Variants in SLC25A19 observed in about 807,000 individuals in gnomAD.
SLC25A19 encodes mitochondrial thiamine pyrophosphate carrier.
Under a neutral mutation model 27.9 loss-of-function variants are expected in SLC25A19, and 18 were observed. The observed-to-expected ratio is 0.64, with a 90% CI of 0.45 to 0.96. SLC25A19 has a LOEUF of 0.96. Among genes scored for constraint, SLC25A19 ranks in the 40% least tolerant of loss-of-function variants. SLC25A19 has a pLI of 0.00. For synonymous variants in SLC25A19, 169 were observed against 167.1 expected (o/e 1.01, Z -0.09); for missense variants, 371 against 418.3 (o/e 0.89, Z 0.99).
At chr17:75,286,884 C>T in intron 2 of SLC25A19, 82 bp from the exon 3 acceptor site, 1 of 1,278,674 alleles carries the variant, frequency 7.8e-7, no homozygotes, top group Non-Finnish European at 1.1e-6. Context: ...GAGCAGCCCT[C>T]CCTGACTAGA....
rs371635560 is a variant in SLC25A19 at position 75,283,479 on chromosome 17, T to A, written c.403A>T (p.Thr135Ser). Reference protein sequence around the residue: ...GGLAACMATLTVHPVDVLRTR... With the variant: ...GGLAACMATLSVHPVDVLRTR... ...CGCAGAACATCCACGGGGTGCACAG[T>A]GAGGGTGGCCATACAGGCAGCCAGG... The change falls in exon 5 of 8, where the codon ACT becomes TCT. Residue 135 changes from threonine (T) to serine (S), a missense_variant. Thr to Ser is a moderately conservative substitution (Grantham distance 58). Coordinates refer to ENST00000416858, the MANE Select transcript of SLC25A19 (RefSeq NM_001126121.2). The A allele has an allele frequency of 1.9e-6, 3 of 1,613,062 alleles. No individual in the cohort carries two copies. In the African/African-American group the frequency reaches 4.0e-5, roughly 22 times the overall value.
chr17:75,286,514 G>A lies in SLC25A19; in HGVS notation c.133-55C>T, dbSNP rs899759780. On this transcript the variant is annotated intron_variant, in intron 3 of 7. Transcript: ENST00000416858. ...AGTGGGGTGGGCTGGAATGTGAAGG[G>A]GAACTTTCAGAAAAGGCAAGCCCTT... 1.4e-5 allele frequency: 22 copies of A among 1,613,056 alleles called. No homozygotes were observed. The Admixed American group carries it at 3.7e-4, about 27-fold the overall frequency.
At chr17:75,281,884 AC>A (rs2078047064) in intron 5 of SLC25A19, among the ~76,000 whole-genome samples, 1 of 152,294 alleles carries the variant, frequency 6.6e-6, no homozygotes, top group Non-Finnish European at 1.5e-5. Context: ...AGCACCCCGC[AC>A]AGTGCTGCCC....
At chr17:75,276,572 TG>T (rs2077893164) in intron 7 of SLC25A19, among the ~76,000 whole-genome samples, 1 of 149,496 alleles carries the variant, frequency 6.7e-6, no homozygotes. Context: ...TTCACCATGT[TG>T]ATCAGGCTGG....
chr17:75,286,152 G>A, intron 4 of SLC25A19, 152 bp downstream of exon 4: 6 of 928,088 alleles, frequency 6.5e-6, no homozygotes, highest in Admixed American at 1.7e-5. Flanking sequence ...GGTACTGCTG[G>A]TCAGGAAGGC....
At position 75,286,785 on chromosome 17, in the gene SLC25A19, A is replaced by G. The variant is rs1449558754; in HGVS notation, c.-21T>C. 3.1e-6 allele frequency: 5 copies of G among 1,613,856 alleles called. No homozygotes were observed. The highest frequency in any genetic ancestry group is 2.2e-5 in the East Asian group (1 of 44,860). On this transcript the variant is annotated 5_prime_UTR_variant, in exon 3 of 8. Transcript: ENST00000416858. ...ACCATCCCTGCCTCTGGCCCACACA[A>G]TGTCCATCAGTATCAAGCTAAATGC... is the stretch of plus-strand genomic sequence containing the variant.
chr17:75,274,893 G>A (rs897730279), intron 7 of SLC25A19, among the ~76,000 whole-genome samples: 2 of 146,104 alleles, frequency 1.4e-5, no homozygotes, highest in African/African-American at 5.0e-5. Flanking sequence ...ATGTACATGT[G>A]TATTTATGAA....
chr17:75,277,363 G>A lies in SLC25A19; in HGVS notation c.764C>T (p.Ala255Val), dbSNP rs141164128. The change falls in exon 7 of 8, where the codon GCC (alanine) becomes GTC (valine). Residue 255 changes from alanine to valine, a missense_variant. Transcript: ENST00000416858. ...GAGTGAACGGCTCACCTGGCCAAAG[G>A]CAGCTCTGGCATGCTCAAACCCTCC... Reference protein sequence around the residue: ...QVGGFEHARAAFGQVRRYKGL... With the variant: ...QVGGFEHARAVFGQVRRYKGL... 8.7e-6 allele frequency: 14 copies of A among 1,613,426 alleles called. No homozygotes were observed. Among genetic ancestry groups the A allele is most frequent in the Non-Finnish European group, 1.1e-5 (13 of 1,179,908 alleles).
chr17:75,285,012 C>A (rs1378821566), intron 4 of SLC25A19, among the ~76,000 whole-genome samples: 6 of 152,062 alleles, frequency 3.9e-5, no homozygotes, highest in Admixed American at 2.6e-4. Context: ...GATCACAGTT[C>A]ACAGCAGCCT....
chr17:75,278,244 G>A lies in SLC25A19; in HGVS notation c.551C>T (p.Ala184Val), dbSNP rs747196696. The part of the protein sequence containing the change: ...FYKGLAPTLI[A>V]IFPYAGLQFS... ...CTGCAGCCCGGCGTAGGGGAAGATG[G>A]CGATCAAGGTGGGAGCCAAGCCTTT... Residue 184 changes from alanine (A) to valine (V), a missense_variant, in exon 6 of 8, where the codon GCC (alanine) becomes GTC (valine). Physicochemically the swap from Ala to Val is moderately conservative, Grantham distance 64 (BLOSUM62 0). Transcript: ENST00000416858. 1.2e-6 allele frequency: 2 copies of A among 1,614,074 alleles called. No homozygotes were observed. Among genetic ancestry groups the A allele is most frequent in the Non-Finnish European group, 1.7e-6 (2 of 1,180,024 alleles).
intron 6 of SLC25A19, among the ~76,000 whole-genome samples, chr17:75,277,834 C>A (rs557351386): frequency 2.0e-5 from 3 of 151,938 alleles, no homozygotes; most frequent in South Asian, 4.2e-4. Flanking sequence ...TCCCACTCCC[C>A]CTGCCTGGAA....
chr17:75,276,275 C>CAAAAA (rs1485571303), intron 7 of SLC25A19, among the ~76,000 whole-genome samples: 4 of 152,162 alleles, frequency 2.6e-5, no homozygotes, highest in Admixed American at 6.5e-5. Context: ...AACTCCGTTT[C>CAAAAA]AAAACAAAAA....
At chr17:75,289,312 C>G (rs923887689) in intron 1 of SLC25A19, 42 bp downstream of exon 1, 5 of 152,332 alleles carry the variant, frequency 3.3e-5, no homozygotes, top group African/African-American at 1.2e-4. Flanking sequence ...GGTGCTGGTC[C>G]CCGAGAGGGC....
intron 5 of SLC25A19, among the ~76,000 whole-genome samples, chr17:75,281,429 G>A (rs569206726): frequency 5.9e-5 from 9 of 152,246 alleles, no homozygotes; most frequent in African/African-American, 2.2e-4. Flanking sequence ...GGGCGTGGTG[G>A]CTCATGCCTG....
intron 5 of SLC25A19, among the ~76,000 whole-genome samples, chr17:75,282,519 A>C (rs938541901): frequency 1.3e-5 from 2 of 152,060 alleles, no homozygotes; most frequent in African/African-American, 4.8e-5. Flanking sequence ...ATTGCATTCC[A>C]GCCTGGGCAA....
rs2078188614 is a variant in SLC25A19 at position 75,286,620 on chromosome 17, A to G, written c.132+13T>C. On this transcript the variant is annotated intron_variant, in intron 3 of 7. Transcript: ENST00000416858. ...GTCCTCCAGTCCATTGCATGGAAAAAGGGGAAGAGTACCTGGAAACGGATC... is the reference window on the plus strand; with the variant it reads ...GTCCTCCAGTCCATTGCATGGAAAAGGGGGAAGAGTACCTGGAAACGGATC... 1.2e-6 allele frequency: 2 copies of G among 1,613,924 alleles called. No individual in the cohort carries two copies. Among genetic ancestry groups the G allele is most frequent in the Admixed American group, 1.7e-5 (1 of 59,972 alleles).
At position 75,273,454 on chromosome 17, in the gene SLC25A19, G is replaced by C; in HGVS notation, c.960C>G (p.Arg320=). 6.2e-7 allele frequency: 1 copy of C among 1,613,824 alleles called. No homozygotes were observed. The highest frequency in any genetic ancestry group is 8.5e-7 in the Non-Finnish European group (1 of 1,179,974). ...FHCMNRTASQ[R] The stretch of plus-strand genomic sequence containing the variant: ...AGACCTGGGGTCCTTCCTGCACTCA[G>C]CGCTGGCTGGCTGTCCTGTTCATGC... The change falls in exon 8 of 8, where the codon CGC becomes CGG. Residue 320 remains arginine (R), a synonymous_variant. Transcript: ENST00000416858.
At chr17:75,283,869 A>G (rs1208439837) in intron 4 of SLC25A19, among the ~76,000 whole-genome samples, 2 of 139,332 alleles carry the variant, frequency 1.4e-5, no homozygotes, top group African/African-American at 6.7e-5. Context: ...TAATCCCAGC[A>G]CTCTGGGGGG....
At position 75,283,467 on chromosome 17, in the gene SLC25A19, C is replaced by G. The variant is rs752904425; in HGVS notation, c.415G>C (p.Val139Leu). 2 of 1,612,874 alleles carry G rather than the reference C, an allele frequency of 1.2e-6. No individual in the cohort carries two copies. The highest frequency in any genetic ancestry group is 2.2e-5 in the South Asian group (2 of 90,886). Residue 139 changes from valine to leucine, a missense_variant, in exon 5 of 8, where the codon GTG becomes CTG. Transcript: ENST00000416858. The part of the protein sequence containing the change: ...ACMATLTVHP[V>L]DVLRTRFAAQ... ...GCAAAGCGGGTGCGCAGAACATCCACGGGGTGCACAGTGAGGGTGGCCATA... is the reference window on the plus strand; with the variant it reads ...GCAAAGCGGGTGCGCAGAACATCCAGGGGGTGCACAGTGAGGGTGGCCATA...
Sources: gnomAD v4.1 joint callset for allele counts (sites outside exome capture counted in the v4.1 genomes callset) on GRCh38, gnomAD v4.1.1 for gene constraint, MANE v1.5 for transcripts, NCBI Gene and HGNC (gene_info 2026-07-23, HGNC 2026-07-21) for gene names.